HORMAD2: variants seen among roughly 807,000 people sequenced by gnomAD.
The protein encoded by HORMAD2 is HORMA domain-containing protein 2.
Under a neutral mutation model 38.8 loss-of-function variants are expected in HORMAD2, and 45 were observed. That is an observed-to-expected ratio of 1.16 (90% confidence interval 0.91 to 1.49). The LOEUF is 1.49. HORMAD2 is among the 40% of genes most tolerant of loss of function. HORMAD2 has a pLI of 0.00. For synonymous variants in HORMAD2, 126 were observed against 122.8 expected (o/e 1.03, Z -0.17); for missense variants, 338 against 367.0 (o/e 0.92, Z 0.65).
intron 1 of HORMAD2, among the ~76,000 whole-genome samples, chr22:30,085,612 G>A (rs1361041263): frequency 3.3e-5 from 5 of 152,024 alleles, no homozygotes; most frequent in Non-Finnish European, 7.4e-5. Flanking sequence ...AAATTAGCTG[G>A]ATGTGGTGGC....
chr22:30,205,981 G>A, the HORMAD2 span, among the ~76,000 whole-genome samples: 1 of 152,016 alleles, frequency 6.6e-6, no homozygotes, highest in Non-Finnish European at 1.5e-5. Flanking sequence ...CTGCCCACCC[G>A]GAAGTGAGTC....
At chr22:30,196,528 T>A in the HORMAD2 span, among the ~76,000 whole-genome samples, 1 of 152,220 alleles carries the variant, frequency 6.6e-6, no homozygotes, top group South Asian at 2.1e-4. Context: ...AGTACTCAGT[T>A]ACAATTACCT....
chr22:30,162,660 G>C lies in HORMAD2; in HGVS notation c.820-13403G>C, dbSNP rs146441836. ...CATTCTATTTCTATTAGGCAGTACT[G>C]TATATAGGTATATACATGCAAACAT... On this transcript the variant is annotated intron_variant, in intron 10 of 10. Transcript: ENST00000336726. Among the ~76,000 whole-genome samples, 138 of 149,558 alleles carry C rather than the reference G, an allele frequency of 9.2e-4. 3 individuals are homozygous for C. In the East Asian group the frequency reaches 0.026, roughly 28 times the overall value.
At position 30,094,008 on chromosome 22, in the gene HORMAD2, T is replaced by C; in HGVS notation, c.51+5T>C. ...ACAATACACAAGGCTTCTAAGGTAT[T>C]TGTTAAGAATTAAAAGAAAATCAAT... is the stretch of plus-strand genomic sequence containing the variant. On this transcript the variant is annotated splice_donor_5th_base_variant and intron_variant, in intron 2 of 10. Coordinates refer to ENST00000336726, the MANE Select transcript of HORMAD2 (RefSeq NM_152510.4). The C allele has an allele frequency of 6.3e-7, 1 of 1,590,950 alleles. No homozygotes were observed. The highest frequency in any genetic ancestry group is 8.6e-7 in the Non-Finnish European group (1 of 1,163,654).
chr22:30,152,733 T>C (rs934109047), intron 10 of HORMAD2, among the ~76,000 whole-genome samples: 3 of 152,188 alleles, frequency 2.0e-5, no homozygotes, highest in Non-Finnish European at 4.4e-5. Context: ...CTTTTTTCCA[T>C]CCACTTCCCT....
At chr22:30,132,572 A>T (rs1923362250) in intron 10 of HORMAD2, among the ~76,000 whole-genome samples, 1 of 151,860 alleles carries the variant, frequency 6.6e-6, no homozygotes, top group African/African-American at 2.4e-5. Context: ...AAAACCACAC[A>T]CACACACATC....
chr22:30,108,927 T>G (rs1921416431), intron 5 of HORMAD2, among the ~76,000 whole-genome samples: 1 of 151,650 alleles, frequency 6.6e-6, no homozygotes, highest in Non-Finnish European at 1.5e-5. Flanking sequence ...TCTCTTTCTC[T>G]CCCTCCCTCC....
chr22:30,170,675 C>T (rs554840025), intron 10 of HORMAD2, among the ~76,000 whole-genome samples: 7 of 152,202 alleles, frequency 4.6e-5, no homozygotes, highest in South Asian at 2.1e-4. Flanking sequence ...CCCCCTGCTC[C>T]CACCACCATT....
intron 10 of HORMAD2, chr22:30,137,812 T>C (rs929260541): frequency 1.3e-5 from 2 of 152,334 alleles, no homozygotes; most frequent in Admixed American, 6.5e-5. Context: ...TGTCTATCCA[T>C]GTATTAGTGA....
At chr22:30,139,286 A>ATATATATC (rs1491312488) in intron 10 of HORMAD2, among the ~76,000 whole-genome samples, 17 of 130,504 alleles carry the variant, frequency 1.3e-4, no homozygotes, top group Middle Eastern at 4.2e-3. Context: ...ATATATATAT[A>ATATATATC]TCCTCTGTCT....
At chr22:30,125,216 CTTT>C (rs1167990121) in intron 10 of HORMAD2, among the ~76,000 whole-genome samples, 53 of 43,458 alleles carry the variant, frequency 1.2e-3, no homozygotes, top group African/African-American at 4.1e-3. Context: ...TTTTTCTTTT[CTTT>C]TTTTTTTTTT....
intron 7 of HORMAD2, among the ~76,000 whole-genome samples, chr22:30,115,824 G>A (rs1180561284): frequency 6.6e-6 from 1 of 152,214 alleles, no homozygotes; most frequent in Admixed American, 6.5e-5. Context: ...GGATGGCTGT[G>A]TTAGATTGGG....
At chr22:30,078,711 T>C (rs1363409512), upstream of HORMAD2, among the ~76,000 whole-genome samples, 1 of 138,512 alleles carries the variant, frequency 7.2e-6, no homozygotes, top group Non-Finnish European at 1.5e-5. Context: ...AGACTGCCAA[T>C]AGTATAGGGC....
intron 5 of HORMAD2, among the ~76,000 whole-genome samples, chr22:30,107,248 GTATC>G (rs1921268037): frequency 6.6e-6 from 1 of 152,134 alleles, no homozygotes; most frequent in Non-Finnish European, 1.5e-5. Context: ...TGTACAAAGA[GTATC>G]TAGCTAGTTT....
intron 1 of HORMAD2, among the ~76,000 whole-genome samples, chr22:30,093,450 C>T (rs1021076858): frequency 4.6e-5 from 7 of 152,068 alleles, no homozygotes; most frequent in African/African-American, 1.7e-4. Context: ...TATTGAGTCT[C>T]TAGGTGATTT....
At chr22:30,128,372 A>G (rs1923027637) in intron 10 of HORMAD2, among the ~76,000 whole-genome samples, 1 of 151,980 alleles carries the variant, frequency 6.6e-6, no homozygotes, top group Admixed American at 6.6e-5. Flanking sequence ...ATGTGAATTT[A>G]TTTTACTTTT....
chr22:30,087,153 G>A (rs1164671911), intron 1 of HORMAD2, among the ~76,000 whole-genome samples: 5 of 152,132 alleles, frequency 3.3e-5, no homozygotes, highest in Non-Finnish European at 5.9e-5. Flanking sequence ...GAGCCACTGC[G>A]CCTGGCCTAC....
chr22:30,180,846 T>TCTTCCCTTCTTCC (rs754774816), downstream of HORMAD2, among the ~76,000 whole-genome samples: 10 of 129,092 alleles, frequency 7.7e-5, no homozygotes, highest in South Asian at 2.8e-4. Context: ...TCTTCCCTTC[T>TCTTCCCTTCTTCC]CTTCCCTTCT....
intron 10 of HORMAD2, chr22:30,137,201 G>C: frequency 1.7e-6 from 1 of 593,632 alleles, no homozygotes; most frequent in Non-Finnish European, 3.2e-6. Flanking sequence ...AACATCTTCA[G>C]TATCAGCTTG....
Sources: gnomAD v4.1 joint callset for allele counts (sites outside exome capture counted in the v4.1 genomes callset) on GRCh38, gnomAD v4.1.1 for gene constraint, MANE v1.5 for transcripts, NCBI Gene and HGNC (gene_info 2026-07-23, HGNC 2026-07-21) for gene names.